Variants in HSD17B7 observed in about 807,000 individuals in gnomAD.
HSD17B7 encodes the protein 3-keto-steroid reductase/17-beta-hydroxysteroid dehydrogenase 7.
A neutral mutation model predicts 34.1 loss-of-function variants in HSD17B7; 17 were observed. That is an observed-to-expected ratio of 0.50 (90% CI 0.34 to 0.75). The LOEUF (loss-of-function observed/expected upper bound fraction) is 0.75, where lower values mean the gene tolerates loss of function less well. Ranked by LOEUF, HSD17B7 falls within the 30% of genes least tolerant of loss-of-function variation. HSD17B7 has a pLI of 0.01. For synonymous variants in HSD17B7, 122 were observed against 154.6 expected, an observed-to-expected ratio of 0.79 and a Z score of 1.56; for missense variants, 296 against 406.6, an observed-to-expected ratio of 0.73 and a Z score of 2.34.
chr1:162,802,003 T>G, intron 5 of HSD17B7, among the ~76,000 whole-genome samples: 1 of 152,090 alleles, frequency 6.6e-6, no homozygotes, highest in East Asian at 1.9e-4. Flanking sequence ...TTGGCCTTTA[T>G]GAGGAAAGAA....
rs751681236 is a variant in HSD17B7, at chr1:162,792,695, G to A, written c.72G>A (p.Ala24=). The change falls in exon 2 of 9, where the codon GCG becomes GCA. Residue 24 remains alanine (A), a synonymous_variant. Transcript: ENST00000254521. ...IGLALCKRLL[A]EDDELHLCLA... is the part of the protein sequence containing the mutation. The stretch of plus-strand genomic sequence containing the variant: ...TGGCCCTCTGCAAGCGGCTGCTGGC[G>A]GAAGATGATGAGCTTCATCTGTGTT... The A allele has an allele frequency of 2.9e-5, 46 of 1,613,900 alleles. No homozygotes were observed. The highest frequency in any genetic ancestry group is 3.3e-4 in the Middle Eastern group (2 of 6,062).
intron 2 of HSD17B7, among the ~76,000 whole-genome samples, chr1:162,795,374 GA>G (rs1648569484): frequency 6.6e-6 from 1 of 152,136 alleles, no homozygotes. Context: ...TTATTTTATT[GA>G]TGAGTGGTAT....
At chr1:162,809,659 A>G (rs1439632669) in intron 8 of HSD17B7, among the ~76,000 whole-genome samples, 2 of 152,144 alleles carry the variant, frequency 1.3e-5, no homozygotes, top group Admixed American at 6.5e-5. Context: ...TTATTGGTCT[A>G]TTCAGAGATT....
intron 8 of HSD17B7, among the ~76,000 whole-genome samples, chr1:162,806,333 C>T (rs116614094): frequency 3.3e-5 from 5 of 152,062 alleles, no homozygotes; most frequent in Non-Finnish European, 7.4e-5. Flanking sequence ...CTGTTAGTAG[C>T]GTGAGTTAAA....
rs368878992 is a variant in HSD17B7 at position 162,796,560 on chromosome 1, A to G, written c.240-25A>G. 1.7e-4 allele frequency: 252 copies of G among 1,444,048 alleles called. 1 individual carries two copies. In the African/African-American group the frequency reaches 2.7e-3, roughly 16 times the overall value. 89.5% of individuals were successfully genotyped at this position (1,444,048 alleles called of 1,614,324 possible). On this transcript the variant is annotated intron_variant, in intron 2 of 8. Transcript: ENST00000254521. ...CTGATGTTTTTACTTGCAACTCACA[A>G]TCTTGTTTGGTGGTTTACTTGCAGG...
intron 3 of HSD17B7, 91 bp downstream of exon 3, chr1:162,796,768 G>T (rs1648626507): frequency 2.5e-6 from 2 of 811,170 alleles, no homozygotes; most frequent in Non-Finnish European, 4.4e-6. Flanking sequence ...GGGGATGAAA[G>T]GTAAGGGGTT....
chr1:162,799,256 A>C (rs1345203001), intron 4 of HSD17B7, among the ~76,000 whole-genome samples: 1 of 152,168 alleles, frequency 6.6e-6, no homozygotes, highest in African/African-American at 2.4e-5. Context: ...AGTTTTGGCC[A>C]CTGGGAACGC....
Position 162,812,410 on chromosome 1 carries a change from C to T in HSD17B7, c.1016C>T (p.Ser339Leu). 3 of 1,586,420 alleles carry T rather than the reference C, an allele frequency of 1.9e-6. No homozygotes were observed. The highest frequency in any genetic ancestry group is 1.1e-5 in the South Asian group (1 of 88,018). The change falls in exon 9 of 9, where the codon TCA (serine) becomes TTA (leucine). Residue 339 changes from serine (S) to leucine (L), a missense_variant. Physicochemically the swap from Ser to Leu is moderately radical, Grantham distance 145. Coordinates refer to ENST00000254521, the MANE Select transcript of HSD17B7 (RefSeq NM_016371.4). ...KTDNQARLSG[S>L]CL is the part of the protein sequence containing the mutation. ...GATAATCAGGCCAGGCTCAGTGGCTCATGCCTATAATTCCAGCACTTTGGG... is the reference window on the plus strand; with the variant it reads ...GATAATCAGGCCAGGCTCAGTGGCTTATGCCTATAATTCCAGCACTTTGGG...
At chr1:162,811,643 G>T (rs775480268) in intron 8 of HSD17B7, among the ~76,000 whole-genome samples, 1 of 152,218 alleles carries the variant, frequency 6.6e-6, no homozygotes. Context: ...GTCTCAGGCT[G>T]CCATGGCAAG....
Position 162,812,130 on chromosome 1 carries a change from G to C in HSD17B7, c.904-168G>C, listed in dbSNP as rs1649188525. Among the ~76,000 whole-genome samples the C allele has an allele frequency of 2.6e-5, 4 of 152,312 alleles. No homozygotes were observed. The South Asian group carries it at 8.3e-4, about 32-fold the overall frequency. On this transcript the variant is annotated intron_variant, in intron 8 of 8. Coordinates refer to ENST00000254521, the MANE Select transcript of HSD17B7 (RefSeq NM_016371.4). ...TGGTGAGTGTTGGAACTGAGACTGAGATTTAGTATGTCTTCAGGCTCTCAG... is the reference window on the plus strand; with the variant it reads ...TGGTGAGTGTTGGAACTGAGACTGACATTTAGTATGTCTTCAGGCTCTCAG...
chr1:162,797,945 A>C, intron 4 of HSD17B7, 29 bp downstream of exon 4: 1 of 1,611,024 alleles, frequency 6.2e-7, no homozygotes, highest in South Asian at 1.1e-5. Flanking sequence ...TAATAAGCTA[A>C]TATTTCGTGT....
intron 8 of HSD17B7, among the ~76,000 whole-genome samples, chr1:162,809,489 G>A (rs1649101691): frequency 6.6e-6 from 1 of 152,166 alleles, no homozygotes; most frequent in Admixed American, 6.5e-5. Flanking sequence ...CTCATAAAAT[G>A]AGTTGGGGAG....
Position 162,799,727 on chromosome 1 carries a change from T to A in HSD17B7, c.448-16T>A. The A allele has an allele frequency of 6.2e-7, 1 of 1,607,940 alleles. No individual in the cohort carries two copies. Among genetic ancestry groups the A allele is most frequent in the Non-Finnish European group, 8.5e-7 (1 of 1,176,618 alleles). On this transcript the variant is annotated splice_polypyrimidine_tract_variant and intron_variant, in intron 4 of 8. Transcript: ENST00000254521. Reference sequence around the variant, plus strand: ...TGTCAGTATATTTTAATACTTTTTTTTTTTCTTTCACCCAGATTCGGGAAC... The same window carrying A: ...TGTCAGTATATTTTAATACTTTTTTATTTTCTTTCACCCAGATTCGGGAAC...
At position 162,796,604 on chromosome 1, in the gene HSD17B7, A is replaced by G. The variant is rs888715942; in HGVS notation, c.259A>G (p.Ile87Val). 3.7e-6 allele frequency: 6 copies of G among 1,609,508 alleles called. No homozygotes were observed. Among genetic ancestry groups the G allele is most frequent in the Non-Finnish European group, 5.1e-6 (6 of 1,176,030 alleles). The change falls in exon 3 of 9, where the codon ATA (isoleucine) becomes GTA (valine). Residue 87 changes from isoleucine to valine, a missense_variant. By Grantham distance (29) the Ile-to-Val change is conservative. Transcript: ENST00000254521. ...TTGCAGGTTTCAGAGATTAGACTGT[A>G]TATATCTAAATGCTGGGATCATGCC... ...LKQRFQRLDC[I>V]YLNAGIMPNP...
intron 7 of HSD17B7, 68 bp downstream of exon 7, chr1:162,804,391 G>A (rs1368810347): frequency 6.1e-6 from 6 of 981,856 alleles, no homozygotes; most frequent in Non-Finnish European, 9.5e-6. Flanking sequence ...TTCACTCGTA[G>A]TAGAAATAAT....
At chr1:162,804,687 T>G (rs949053736) in intron 7 of HSD17B7, among the ~76,000 whole-genome samples, 1 of 152,190 alleles carries the variant, frequency 6.6e-6, no homozygotes, top group Non-Finnish European at 1.5e-5. Flanking sequence ...GAGCATTTTG[T>G]GGGTCAAGAG....
chr1:162,805,594 G>C (rs1262539748), intron 8 of HSD17B7, 102 bp downstream of exon 8: 27 of 1,502,828 alleles, frequency 1.8e-5, no homozygotes, highest in Non-Finnish European at 2.3e-5. Flanking sequence ...GCTTCTCTGG[G>C]TACTCACTGT....
At chr1:162,799,322 T>C (rs376643232) in intron 4 of HSD17B7, among the ~76,000 whole-genome samples, 1 of 152,208 alleles carries the variant, frequency 6.6e-6, no homozygotes, top group Non-Finnish European at 1.5e-5. Flanking sequence ...GTTTTCTCTT[T>C]TTGTTTTAGC....
In HSD17B7 at chr1:162,812,418, T is replaced by C; in HGVS notation, c.1024T>C (p.Ter342GlnextTer46). ...GGCCAGGCTCAGTGGCTCATGCCTA[T>C]AATTCCAGCACTTTGGGAGGCCAAG... ...NQARLSGSCL* is the reference protein window; with the variant it reads ...NQARLSGSCLQ The change falls in exon 9 of 9, where the codon TAA becomes CAA. Residue 342 changes from the stop codon to glutamine, a stop_lost. Coordinates refer to ENST00000254521, the MANE Select transcript of HSD17B7 (RefSeq NM_016371.4). The C allele has an allele frequency of 6.3e-7, 1 of 1,580,444 alleles. No individual in the cohort carries two copies. The highest frequency in any genetic ancestry group is 1.1e-5 in the South Asian group (1 of 87,488).
Sources: gnomAD v4.1 joint callset for allele counts (sites outside exome capture counted in the v4.1 genomes callset) on GRCh38, gnomAD v4.1.1 for gene constraint, MANE v1.5 for transcripts, NCBI Gene and HGNC (gene_info 2026-07-23, HGNC 2026-07-21) for gene names.